The following KCNK2 variants were observed in gnomAD, a reference collection of about 807,000 sequenced individuals.
The protein encoded by KCNK2 is potassium two pore domain channel subfamily K member 2, also known as potassium channel subfamily K member 2.
In KCNK2, 21 loss-of-function variants were observed where a neutral mutation model predicts 40.5. The ratio of observed to expected loss-of-function variants is 0.52; its 90% CI spans 0.37 to 0.75. KCNK2 has a LOEUF of 0.75. KCNK2 is among the 30% of genes least tolerant of loss of function. The pLI is 0.00. For missense variants in KCNK2, 399 were observed against 531.6 expected (o/e 0.75, Z 2.45); for synonymous variants, 191 against 202.2 (o/e 0.94, Z 0.47).
intron 3 of KCNK2, among the ~76,000 whole-genome samples, chr1:215,148,455 A>C (rs957128557): frequency 6.6e-6 from 1 of 152,174 alleles, no homozygotes; most frequent in African/African-American, 2.4e-5. Context: ...GAATAAAATA[A>C]AAATGAGTAC....
At chr1:215,057,074 A>G (rs1349890357) in intron 1 of KCNK2, among the ~76,000 whole-genome samples, 1 of 152,090 alleles carries the variant, frequency 6.6e-6, no homozygotes, top group African/African-American at 2.4e-5. Context: ...TTTTAAATGT[A>G]TACACTGCTA....
chr1:215,220,305 G>C (rs1293398959), intron 6 of KCNK2, among the ~76,000 whole-genome samples: 1 of 152,054 alleles, frequency 6.6e-6, no homozygotes, highest in Non-Finnish European at 1.5e-5. Context: ...TTCTCAATAT[G>C]TTATTTGATC....
chr1:215,176,045 G>A (rs1183033839), intron 5 of KCNK2, among the ~76,000 whole-genome samples: 2 of 152,098 alleles, frequency 1.3e-5, no homozygotes, highest in Non-Finnish European at 2.9e-5. Context: ...CGGTAGTTCT[G>A]TTTTAGTTCT....
At chr1:215,177,740 A>ATGTGTATATATATATATATATATATAT (rs71167812) in intron 5 of KCNK2, among the ~76,000 whole-genome samples, 1 of 101,600 alleles carries the variant, frequency 9.8e-6, no homozygotes, top group African/African-American at 3.5e-5. Flanking sequence ...ATATATATAT[A>ATGTGTATATATATATATATATATATAT]TTTTTTTTTT....
At chr1:215,103,705 G>C (rs1660315980) in intron 2 of KCNK2, among the ~76,000 whole-genome samples, 1 of 151,940 alleles carries the variant, frequency 6.6e-6, no homozygotes, top group Non-Finnish European at 1.5e-5. Flanking sequence ...CATTCCTGAG[G>C]CACATTTTTC....
At chr1:215,163,666 G>C (rs1412995264) in intron 3 of KCNK2, among the ~76,000 whole-genome samples, 3 of 152,008 alleles carry the variant, frequency 2.0e-5, no homozygotes, top group Admixed American at 6.6e-5. Flanking sequence ...TTCTGCATCT[G>C]TTGAAATAAT....
At chr1:215,031,770 T>C (rs1657198690) in intron 1 of KCNK2, among the ~76,000 whole-genome samples, 1 of 152,250 alleles carries the variant, frequency 6.6e-6, no homozygotes, top group Non-Finnish European at 1.5e-5. Flanking sequence ...ATATTCTGCA[T>C]TCTTACTCAG....
chr1:215,026,593 C>T (rs559473108), intron 1 of KCNK2, among the ~76,000 whole-genome samples: 50 of 152,106 alleles, frequency 3.3e-4, no homozygotes, highest in African/African-American at 1.2e-3. Flanking sequence ...GATTCTCTCT[C>T]TGTTCCACTG....
chr1:215,061,923 T>G (rs1287782984), intron 1 of KCNK2, among the ~76,000 whole-genome samples: 1 of 152,146 alleles, frequency 6.6e-6, no homozygotes, highest in Non-Finnish European at 1.5e-5. Context: ...GTGGATTTCA[T>G]TTGTTTTACT....
intron 5 of KCNK2, among the ~76,000 whole-genome samples, chr1:215,187,271 C>T (rs1664478356): frequency 6.6e-6 from 1 of 152,072 alleles, no homozygotes; most frequent in Admixed American, 6.6e-5. Flanking sequence ...GATGTATAAT[C>T]AAATTTGTAC....
At chr1:215,217,439 A>G (rs1666005857) in intron 6 of KCNK2, among the ~76,000 whole-genome samples, 1 of 152,162 alleles carries the variant, frequency 6.6e-6, no homozygotes, top group Non-Finnish European at 1.5e-5. Context: ...ACATGCATTA[A>G]CCTCTGAAAA....
intron 1 of KCNK2, among the ~76,000 whole-genome samples, chr1:215,009,784 G>A (rs539912553): frequency 1.3e-5 from 2 of 152,194 alleles, no homozygotes; most frequent in Admixed American, 1.3e-4. Context: ...ATTGAGTACA[G>A]ACCCAATTAG....
chr1:215,046,210 T>G (rs1657762111), intron 1 of KCNK2, among the ~76,000 whole-genome samples: 1 of 152,178 alleles, frequency 6.6e-6, no homozygotes, highest in African/African-American at 2.4e-5. Flanking sequence ...TGGTTTTGAT[T>G]TGGAAAATAT....
chr1:215,224,670 CT>C lies in KCNK2; in HGVS notation c.964-10156del, dbSNP rs1443919484. ...GTAGAGCTAGAGGGAGCCAAGGAAA[CT>C]TACAAAAGTGAAAACATTATGCAAA... On this transcript the variant is annotated intron_variant, in intron 6 of 6. Transcript: ENST00000444842. Among the ~76,000 whole-genome samples the C allele has an allele frequency of 3.9e-5, 6 of 152,166 alleles. No homozygotes were observed. In the East Asian group the frequency reaches 1.2e-3, roughly 29 times the overall value.
At chr1:215,171,699 C>T (rs936921789) in intron 4 of KCNK2, among the ~76,000 whole-genome samples, 7 of 151,840 alleles carry the variant, frequency 4.6e-5, no homozygotes, top group Non-Finnish European at 1.0e-4. Context: ...TGTAATTTAC[C>T]CTTTCAAAAG....
intron 1 of KCNK2, among the ~76,000 whole-genome samples, chr1:215,016,359 T>C (rs928813753): frequency 2.0e-5 from 3 of 152,006 alleles, no homozygotes; most frequent in African/African-American, 7.2e-5. Context: ...AAATCTACTA[T>C]AAAGCTACAG....
At chr1:215,057,373 G>T (rs1037462231) in intron 1 of KCNK2, among the ~76,000 whole-genome samples, 4 of 152,140 alleles carry the variant, frequency 2.6e-5, no homozygotes, top group African/African-American at 9.7e-5. Context: ...TGGAGGTCAG[G>T]GTAGAAGGAG....
intron 2 of KCNK2, among the ~76,000 whole-genome samples, chr1:215,093,804 AATATATT>A (rs1213869323): frequency 4.8e-4 from 14 of 28,912 alleles, no homozygotes; most frequent in South Asian, 1.1e-3. Context: ...TATAATATAA[AATATATT>A]ATATATTATA....
chr1:215,147,733 G>T (rs1662490668), intron 3 of KCNK2, among the ~76,000 whole-genome samples: 2 of 152,276 alleles, frequency 1.3e-5, no homozygotes, highest in African/African-American at 2.4e-5. Flanking sequence ...TACTTGGGAG[G>T]CTGAGGTAGG....
Sources: allele counts gnomAD v4.1 joint callset (sites outside exome capture counted in the v4.1 genomes callset), GRCh38; gene constraint gnomAD v4.1.1; transcripts MANE v1.5; gene names NCBI Gene and HGNC (gene_info 2026-07-23, HGNC 2026-07-21).